Variants in ANKRD17 observed in about 807,000 individuals in gnomAD.
ANKRD17 encodes the protein ankyrin repeat domain-containing protein 17.
ANKRD17 carries 19 observed loss-of-function variants against 229.7 expected under a neutral mutation model. That is an observed-to-expected ratio of 0.08 (90% CI 0.06 to 0.12). The LOEUF is 0.12. Among genes scored for constraint, ANKRD17 ranks in the 10% least tolerant of loss-of-function variants. The pLI, the probability that ANKRD17 is intolerant of heterozygous loss-of-function variation, is 1.00. For missense variants in ANKRD17, 2,176 were observed against 3,176.8 expected, an observed-to-expected ratio of 0.68 and a Z score of 7.57; for synonymous variants, 1,112 against 1,146.1, an observed-to-expected ratio of 0.97 and a Z score of 0.60.
Position 73,155,626 on chromosome 4 carries a change from A to G in ANKRD17, c.1000+5T>C. 1.2e-6 allele frequency: 2 copies of G among 1,613,934 alleles called. No individual in the cohort carries two copies. The highest frequency in any genetic ancestry group is 8.5e-7 in the Non-Finnish European group (1 of 1,179,918). ...TAGTAAAACTGAAAAAGAAATAGGC[A>G]TGACCTGTTGAAGACTGTGCATTAA... On this transcript the variant is annotated splice_donor_5th_base_variant and intron_variant, in intron 5 of 33. Transcript: ENST00000358602.
At chr4:73,156,209 T>TA in intron 3 of ANKRD17, 43 bp from the exon 4 acceptor site, 1 of 1,538,902 alleles carries the variant, frequency 6.5e-7, no homozygotes, top group East Asian at 2.3e-5. Flanking sequence ...ATAAGAATAT[T>TA]AAAAAATTGC....
chr4:73,256,942 G>C (rs913136502), intron 1 of ANKRD17, among the ~76,000 whole-genome samples: 1 of 152,168 alleles, frequency 6.6e-6, no homozygotes, highest in Non-Finnish European at 1.5e-5. Context: ...AAGAGAATCT[G>C]GTCTTCTACA....
At chr4:73,189,441 T>C (rs1161204715) in intron 1 of ANKRD17, among the ~76,000 whole-genome samples, 1 of 129,548 alleles carries the variant, frequency 7.7e-6, no homozygotes, top group Non-Finnish European at 1.6e-5. Context: ...AGTCCCACTC[T>C]GTTGGAGTGC....
chr4:73,240,806 CTTT>C (rs111961579), intron 1 of ANKRD17, among the ~76,000 whole-genome samples: 4 of 127,026 alleles, frequency 3.1e-5, no homozygotes, highest in South Asian at 2.5e-4. Flanking sequence ...AGTACTTATT[CTTT>C]TTTTTTTTTT....
chr4:73,115,942 T>C (rs1725885277), intron 22 of ANKRD17, 26 bp from the exon 23 acceptor site: 4 of 1,588,962 alleles, frequency 2.5e-6, no homozygotes, highest in Non-Finnish European at 3.5e-6. Flanking sequence ...CAATGTCAGA[T>C]TGAAAACAGA....
At chr4:73,084,685 G>C (rs1443897081) in intron 30 of ANKRD17, among the ~76,000 whole-genome samples, 1 of 152,104 alleles carries the variant, frequency 6.6e-6, no homozygotes, top group Non-Finnish European at 1.5e-5. Flanking sequence ...CTGACCTCAG[G>C]TGATCCACCC....
chr4:73,142,671 G>C lies in ANKRD17; in HGVS notation c.2054C>G (p.Ala685Gly). The C allele has an allele frequency of 1.2e-6, 2 of 1,614,040 alleles. No homozygotes were observed. The highest frequency in any genetic ancestry group is 1.7e-6 in the Non-Finnish European group (2 of 1,179,954). The change falls in exon 12 of 34, where the codon GCT (alanine) becomes GGT (glycine). Residue 685 changes from alanine to glycine, a missense_variant. Transcript: ENST00000358602. The part of the protein sequence containing the change: ...GHLAVVELLL[A>G]HGADPTHRLK... ...ACGGTGAGTAGGATCTGCCCCATGA[G>C]CCAAAAGTAGTTCCACCACTGCCAG...
chr4:73,091,468 C>T lies in ANKRD17; in HGVS notation c.6160G>A (p.Gly2054Arg), dbSNP rs1722791436. 2.5e-6 allele frequency: 4 copies of T among 1,614,126 alleles called. No homozygotes were observed. The East Asian group carries it at 6.7e-5, about 27-fold the overall frequency. ...TCCAAAGGGCTGTTTCTAGAAACCC[C>T]TCCTGGCTGGGCTGGTGGTGATGGG... ...SSPSPPAQPG[G>R]VSRNSPLDCG... The change falls in exon 29 of 34, where the codon GGG (glycine) becomes AGG (arginine). Residue 2054 changes from glycine to arginine, a missense_variant. This residue lies in a region of ANKRD17 where 424 missense variants were observed against 454.0 expected (regional missense o/e 0.93). Coordinates refer to ENST00000358602, the MANE Select transcript of ANKRD17 (RefSeq NM_032217.5).
chr4:73,098,030 C>A, intron 26 of ANKRD17, 43 bp downstream of exon 26: 1 of 1,514,780 alleles, frequency 6.6e-7, no homozygotes, highest in South Asian at 1.3e-5. Flanking sequence ...TAAGGTATTT[C>A]ATGATGACAC....
At position 73,162,850 on chromosome 4, in the gene ANKRD17, GTTTTGT is replaced by G. The variant is rs780932728; in HGVS notation, c.548-1508_548-1503del. Among the ~76,000 whole-genome samples the G allele has an allele frequency of 1.4e-3, 220 of 151,750 alleles. 1 individual carries two copies. The highest frequency in any genetic ancestry group is 1.6e-3 in the Non-Finnish European group (106 of 67,912). ...TCAGCATCACTTGTGGTGCTTTTTT[GTTTTGT>G]TTTTGTTTTTGTTTTTGTTTTAAGA... On this transcript the variant is annotated intron_variant, in intron 2 of 33. Coordinates refer to ENST00000358602, the MANE Select transcript of ANKRD17 (RefSeq NM_032217.5).
intron 16 of ANKRD17, among the ~76,000 whole-genome samples, chr4:73,133,060 C>T (rs1427731924): frequency 6.6e-6 from 1 of 151,922 alleles, no homozygotes; most frequent in Non-Finnish European, 1.5e-5. Flanking sequence ...CCAGCCTGGC[C>T]AACATGGTGA....
chr4:73,098,615 T>A, intron 25 of ANKRD17, 95 bp from the exon 26 acceptor site: 1 of 1,102,966 alleles, frequency 9.1e-7, no homozygotes, highest in Non-Finnish European at 1.3e-6. Context: ...CCAGGAGAGA[T>A]ACTCTACTAC....
At chr4:73,218,463 A>G (rs1009589517) in intron 1 of ANKRD17, among the ~76,000 whole-genome samples, 1 of 151,606 alleles carries the variant, frequency 6.6e-6, no homozygotes, top group Non-Finnish European at 1.5e-5. Context: ...GCCAACATGG[A>G]GAAACCCCAT....
intron 1 of ANKRD17, among the ~76,000 whole-genome samples, chr4:73,234,945 C>T (rs552373692): frequency 1.2e-3 from 177 of 152,246 alleles, no homozygotes; most frequent in Non-Finnish European, 1.4e-3. Context: ...AAGTTTGGAG[C>T]CATTCCAAGG....
intron 27 of ANKRD17, 131 bp downstream of exon 27, chr4:73,096,986 G>C (rs950235915): frequency 9.5e-7 from 1 of 1,048,874 alleles, no homozygotes; most frequent in African/African-American, 1.7e-5. Context: ...TCTCTCTGTT[G>C]GTCAAATTTA....
Position 73,106,878 on chromosome 4 carries a change from T to TAAA in ANKRD17, c.4402-4334_4402-4332dup, listed in dbSNP as rs35011113. Among the ~76,000 whole-genome samples the TAAA allele has an allele frequency of 1.2e-3, 61 of 49,256 alleles. 1 individual carries two copies. The highest frequency in any genetic ancestry group is 4.8e-3 in the African/African-American group (58 of 12,154). 32.3% of individuals were successfully genotyped at this position (49,256 alleles called of 152,430 possible). A position where few individuals can be genotyped will look rare whatever the true frequency, so the allele number is the denominator to read the frequency against. Reference sequence around the variant, plus strand: ...TGGCAATGGAGTGAGACTCCGTCTTTAAAAAAAAAAAAAAAAAAAAAAAAG... The same window carrying TAAA: ...TGGCAATGGAGTGAGACTCCGTCTTTAAAAAAAAAAAAAAAAAAAAAAAAAAAG... On this transcript the variant is annotated intron_variant, in intron 24 of 33. Transcript: ENST00000358602.
chr4:73,147,198 A>G (rs771032114), intron 9 of ANKRD17, 43 bp downstream of exon 9: 1 of 1,482,108 alleles, frequency 6.7e-7, no homozygotes, highest in Admixed American at 2.3e-5. Flanking sequence ...TTTTACTTAA[A>G]CAAATCATGT....
chr4:73,098,367 A>T lies in ANKRD17; in HGVS notation c.4727T>A (p.Ile1576Asn), dbSNP rs1353949728. 1 of 1,613,998 alleles carries T rather than the reference A, an allele frequency of 6.2e-7. No homozygotes were observed. Among genetic ancestry groups the T allele is most frequent in the Non-Finnish European group, 8.5e-7 (1 of 1,180,024 alleles). The change falls in exon 26 of 34, where the codon ATT (isoleucine) becomes AAT (asparagine). Residue 1576 changes from isoleucine (I) to asparagine (N), a missense_variant. By Grantham distance (149) the Ile-to-Asn change is moderately radical. This residue lies in a region of ANKRD17 where 105 missense variants were observed against 118.3 expected (regional missense o/e 0.89). Transcript: ENST00000358602. ...TATAATTTGAACGTTTTCTGGAGTAATTTTATTTTTCCTGTTTTTCCTCTT... is the reference window on the plus strand; with the variant it reads ...TATAATTTGAACGTTTTCTGGAGTATTTTTATTTTTCCTGTTTTTCCTCTT... ...SSKRKNRKNKITPENVQIIFD... is the reference protein window; with the variant it reads ...SSKRKNRKNKNTPENVQIIFD...
At position 73,092,174 on chromosome 4, in the gene ANKRD17, T is replaced by G. The variant is rs1315542943; in HGVS notation, c.5454A>C (p.Ile1818=). The change falls in exon 29 of 34, where the codon ATA becomes ATC. Residue 1818 remains isoleucine (I), a synonymous_variant. Transcript: ENST00000358602. ...RLKSSSANSK[I]GSSAPTTTAA... ...CAGTGGTGGTAGGTGCTGATGACCCTATTTTGGAATTTGCTGAGGAGCTTT... is the reference window on the plus strand; with the variant it reads ...CAGTGGTGGTAGGTGCTGATGACCCGATTTTGGAATTTGCTGAGGAGCTTT... 3.7e-6 allele frequency: 6 copies of G among 1,614,176 alleles called. No individual in the cohort carries two copies. The Admixed American group carries it at 1.0e-4, about 27-fold the overall frequency.
Sources: gnomAD v4.1 joint callset for allele counts (sites outside exome capture counted in the v4.1 genomes callset) on GRCh38, gnomAD v4.1.1 for gene constraint, gnomAD v4.1.1 regional missense constraint, MANE v1.5 for transcripts, NCBI Gene and HGNC (gene_info 2026-07-23, HGNC 2026-07-21) for gene names.